Variants in TTC7B observed in about 807,000 individuals in gnomAD.
TTC7B encodes the protein tetratricopeptide repeat domain 7B.
Under a neutral mutation model 106.8 loss-of-function variants are expected in TTC7B, and 28 were observed. The observed-to-expected ratio is 0.26, with a 90% confidence interval of 0.19 to 0.36. The LOEUF (loss-of-function observed/expected upper bound fraction) is 0.36, where lower values mean the gene tolerates loss of function less well. Among genes scored for constraint, TTC7B ranks in the 10% least tolerant of loss-of-function variants. The probability of loss-of-function intolerance (pLI) is 1.00; values close to 1 mark genes in which losing one functional copy is unlikely to be tolerated. For missense variants in TTC7B, 862 were observed against 1,076.4 expected (o/e 0.80, Z 2.79); for synonymous variants, 405 against 430.6 (o/e 0.94, Z 0.74).
At chr14:90,546,616 C>G (rs151281717) in intron 19 of TTC7B, among the ~76,000 whole-genome samples, 205 of 152,358 alleles carry the variant, frequency 1.3e-3, no homozygotes, top group Admixed American at 6.7e-3. Flanking sequence ...GCCACACTGC[C>G]CCCAACCAGC....
Position 90,587,933 on chromosome 14 carries a change from C to T in TTC7B, c.2107+5553G>A, listed in dbSNP as rs117351436. ...CTTCACCTATGGAATGGGGTGAATA[C>T]GGGTATTTATACCTCATAAGGTTAT... On this transcript the variant is annotated intron_variant, in intron 18 of 19. Transcript: ENST00000328459. Among the ~76,000 whole-genome samples, 325 of 152,242 alleles carry T rather than the reference C, an allele frequency of 2.1e-3. 11 individuals are homozygous for T. In the East Asian group the frequency reaches 0.049, roughly 23 times the overall value.
At chr14:90,719,503 T>C (rs568254737) in intron 5 of TTC7B, among the ~76,000 whole-genome samples, 15 of 152,316 alleles carry the variant, frequency 9.8e-5, no homozygotes, top group Middle Eastern at 3.4e-3. Context: ...CAACTGAGCA[T>C]ATCCCTTGGA....
intron 5 of TTC7B, among the ~76,000 whole-genome samples, chr14:90,714,958 T>C (rs955846541): frequency 6.6e-6 from 1 of 152,168 alleles, no homozygotes; most frequent in Non-Finnish European, 1.5e-5. Flanking sequence ...CACTCTGCTC[T>C]CAGCAGTTTC....
intron 4 of TTC7B, among the ~76,000 whole-genome samples, chr14:90,740,612 C>T (rs1889723819): frequency 6.7e-6 from 1 of 148,990 alleles, no homozygotes; most frequent in South Asian, 2.1e-4. Context: ...TGCGATTCTC[C>T]TGCCTCAGTC....
chr14:90,650,007 C>A (rs967119037), intron 13 of TTC7B, among the ~76,000 whole-genome samples: 1 of 152,040 alleles, frequency 6.6e-6, no homozygotes, highest in Non-Finnish European at 1.5e-5. Flanking sequence ...TGGAAAGCAT[C>A]GGATGGGCTT....
chr14:90,732,773 C>T (rs914709346), intron 4 of TTC7B, among the ~76,000 whole-genome samples: 16 of 152,048 alleles, frequency 1.1e-4, no homozygotes, highest in South Asian at 2.1e-4. Flanking sequence ...TGAGCCACTG[C>T]GCCCAGCTCC....
chr14:90,614,647 C>T lies in TTC7B; in HGVS notation c.1868+3282G>A, dbSNP rs571971653. ...CTGAATCACTGTTCTGCTACATATT[C>T]AATTGGAAAAACTTGGGCAAGTTAT... On this transcript the variant is annotated intron_variant, in intron 16 of 19. Coordinates refer to ENST00000328459, the MANE Select transcript of TTC7B (RefSeq NM_001010854.2). Among the ~76,000 whole-genome samples, 297 of 152,330 alleles carry T rather than the reference C, an allele frequency of 1.9e-3. 1 individual carries two copies. The highest frequency in any genetic ancestry group is 6.6e-3 in the African/African-American group (276 of 41,580).
At chr14:90,747,291 G>C (rs1889997514) in intron 3 of TTC7B, among the ~76,000 whole-genome samples, 3 of 152,262 alleles carry the variant, frequency 2.0e-5, no homozygotes, top group African/African-American at 2.4e-5. Context: ...CTGTCTATAG[G>C]ACTCGACTGG....
Position 90,594,511 on chromosome 14 carries a change from T to A in TTC7B, c.1967-885A>T, listed in dbSNP as rs559776965. On this transcript the variant is annotated intron_variant, in intron 17 of 19. Transcript: ENST00000328459. ...CACTCTTGGAGATGTGGTTTTAGAATCAAGAGCAGGATTCTCTTGATTTCA... is the reference window on the plus strand; with the variant it reads ...CACTCTTGGAGATGTGGTTTTAGAAACAAGAGCAGGATTCTCTTGATTTCA... Among the ~76,000 whole-genome samples the A allele has an allele frequency of 3.3e-5, 5 of 152,272 alleles. No individual in the cohort carries two copies. In the East Asian group the frequency reaches 9.7e-4, roughly 29 times the overall value.
intron 15 of TTC7B, among the ~76,000 whole-genome samples, chr14:90,637,102 TG>T (rs1374793495): frequency 2.0e-5 from 3 of 152,116 alleles, no homozygotes; most frequent in African/African-American, 7.2e-5. Context: ...AGTTACTGGT[TG>T]TTTGAAAGGA....
At chr14:90,776,140 G>GACTGACACACACACACACAC (rs1438147499) in intron 3 of TTC7B, among the ~76,000 whole-genome samples, 1 of 140,292 alleles carries the variant, frequency 7.1e-6, no homozygotes, top group African/African-American at 2.8e-5. Flanking sequence ...GGCCCCCCGT[G>GACTGACACACACACACACAC]ACACACACAC....
intron 8 of TTC7B, chr14:90,677,933 T>G (rs1886905757): frequency 4.9e-6 from 2 of 406,546 alleles, no homozygotes; most frequent in East Asian, 1.5e-4. Flanking sequence ...TTTGAAGATT[T>G]CATTCTAAGT....
intron 10 of TTC7B, 105 bp downstream of exon 10, chr14:90,658,199 G>A (rs878879274): frequency 3.9e-5 from 39 of 987,660 alleles, no homozygotes; most frequent in East Asian, 7.7e-5. Context: ...AGAGTGGCTC[G>A]AAAGACTTCC....
At chr14:90,565,554 A>G (rs1890758873) in intron 19 of TTC7B, among the ~76,000 whole-genome samples, 1 of 151,956 alleles carries the variant, frequency 6.6e-6, no homozygotes, top group Non-Finnish European at 1.5e-5. Flanking sequence ...GGCATGCGCC[A>G]CCATGCCCGG....
At chr14:90,739,822 T>C (rs1889687610) in intron 4 of TTC7B, among the ~76,000 whole-genome samples, 1 of 152,226 alleles carries the variant, frequency 6.6e-6, no homozygotes, top group Admixed American at 6.5e-5. Flanking sequence ...GACAGGATTA[T>C]TTCATCTGCC....
intron 1 of TTC7B, among the ~76,000 whole-genome samples, chr14:90,800,914 G>T (rs892322814): frequency 6.6e-6 from 1 of 151,914 alleles, no homozygotes; most frequent in Non-Finnish European, 1.5e-5. Context: ...AGCCAGGCAC[G>T]ATGGCTCACA....
At chr14:90,720,972 C>A (rs1260786275) in intron 5 of TTC7B, among the ~76,000 whole-genome samples, 2 of 152,036 alleles carry the variant, frequency 1.3e-5, no homozygotes, top group Non-Finnish European at 1.5e-5. Flanking sequence ...TTCCTCCACT[C>A]CTGCTCCCAT....
intron 15 of TTC7B, among the ~76,000 whole-genome samples, chr14:90,634,169 G>A (rs1056960598): frequency 7.2e-5 from 11 of 152,062 alleles, no homozygotes; most frequent in African/African-American, 1.7e-4. Context: ...GAGCCACCGC[G>A]CCTGGCCCAT....
intron 5 of TTC7B, among the ~76,000 whole-genome samples, chr14:90,714,302 A>G (rs116675354): frequency 0.014 from 2,114 of 152,262 alleles, 47 homozygotes; most frequent in African/African-American, 0.049. Context: ...AATTTCTAGA[A>G]AAGGCGAATC....
Sources: allele counts gnomAD v4.1 joint callset (sites outside exome capture counted in the v4.1 genomes callset), GRCh38; gene constraint gnomAD v4.1.1; transcripts MANE v1.5; gene names NCBI Gene and HGNC (gene_info 2026-07-23, HGNC 2026-07-21).